IBTK: variants seen among roughly 807,000 people sequenced by gnomAD.
IBTK encodes the protein inhibitor of Bruton tyrosine kinase, also known as BTK-binding protein.
A neutral mutation model predicts 154.9 loss-of-function variants in IBTK; 83 were observed. The ratio of observed to expected loss-of-function variants is 0.54; its 90% CI spans 0.45 to 0.64. The LOEUF is 0.64. Ranked by LOEUF, IBTK falls within the 30% of genes least tolerant of loss-of-function variation. The pLI, the probability that IBTK is intolerant of heterozygous loss-of-function variation, is 0.00. For missense variants in IBTK, 1,332 were observed against 1,584.6 expected (o/e 0.84, Z 2.71); for synonymous variants, 515 against 536.1 (o/e 0.96, Z 0.54).
chr6:82,215,655 C>T (rs140435753), intron 11 of IBTK, among the ~76,000 whole-genome samples: 59 of 151,532 alleles, frequency 3.9e-4, no homozygotes, highest in Non-Finnish European at 6.8e-4. Context: ...GGTGTGGTGG[C>T]GGGCACCTGT....
At position 82,214,310 on chromosome 6, in the gene IBTK, T is replaced by A. The variant is rs750679400; in HGVS notation, c.2121A>T (p.Lys707Asn). The change falls in exon 12 of 29, where the codon AAA becomes AAT. Residue 707 changes from lysine (K) to asparagine (N), a missense_variant. Lys to Asn is a moderately conservative substitution (Grantham distance 94). Around this residue, in one of 3 missense-constraint regions of IBTK, gnomAD observed 1,134 missense variants for 1,274.7 expected, o/e 0.89. Coordinates refer to ENST00000306270, the MANE Select transcript of IBTK (RefSeq NM_015525.4). ...GATCATCTTCCCTAATATTTTTTCC[T>A]TTTTTACAAGATTTAGGTTTGCTCT... ...RQKSKPKSCK[K>N]GKNIREDDPV... The A allele has an allele frequency of 6.2e-7, 1 of 1,613,908 alleles. No individual in the cohort carries two copies. Among genetic ancestry groups the A allele is most frequent in the South Asian group, 1.1e-5 (1 of 91,034 alleles).
chr6:82,227,091 T>C lies in IBTK; in HGVS notation c.654+101A>G, dbSNP rs918604313. ...AAATCTATTATCAATTGATGTATTA[T>C]TTCGTCCTTACAGTTGAAAAAAAAA... is the stretch of plus-strand genomic sequence containing the variant. On this transcript the variant is annotated intron_variant, in intron 5 of 28. Transcript: ENST00000306270. 7.3e-5 allele frequency: 50 copies of C among 680,528 alleles called. No homozygotes were observed. In the African/African-American group the frequency reaches 8.1e-4, roughly 11 times the overall value. The allele number at this position is 680,528 out of a possible 1,614,324, so 42.2% of individuals were successfully genotyped here.
At chr6:82,239,480 A>G (rs1200685114) in intron 2 of IBTK, among the ~76,000 whole-genome samples, 2 of 152,136 alleles carry the variant, frequency 1.3e-5, no homozygotes, top group Non-Finnish European at 2.9e-5. Flanking sequence ...TTAATAATAT[A>G]GTTATTTAAG....
intron 26 of IBTK, among the ~76,000 whole-genome samples, chr6:82,176,699 C>T (rs943234310): frequency 1.3e-5 from 2 of 152,188 alleles, no homozygotes; most frequent in East Asian, 3.9e-4. Context: ...TTAACACCCT[C>T]AAACAACATT....
intron 23 of IBTK, among the ~76,000 whole-genome samples, chr6:82,193,885 T>C (rs547450854): frequency 6.6e-6 from 1 of 152,208 alleles, no homozygotes; most frequent in South Asian, 2.1e-4. Context: ...TTTCACCATG[T>C]TGCCCAGGCT....
In IBTK at chr6:82,237,652, GATA is replaced by G. The variant is rs1168993564; in HGVS notation, c.321+2511_321+2513del. Among the ~76,000 whole-genome samples the G allele has an allele frequency of 7.6e-3, 636 of 83,604 alleles. 3 individuals carry two copies. Among genetic ancestry groups the G allele is most frequent in the African/African-American group, 0.029 (579 of 20,108 alleles). 54.8% of individuals were successfully genotyped at this position (83,604 alleles called of 152,430 possible). The stretch of plus-strand genomic sequence containing the variant: ...AGTAGCAGTAGTAGTAGTAGTAGAA[GATA>G]GTAGTGGTAGTAGTAGTAGTAGTAG... On this transcript the variant is annotated intron_variant, in intron 2 of 28. Transcript: ENST00000306270.
chr6:82,230,624 A>G (rs1261597088), intron 4 of IBTK, among the ~76,000 whole-genome samples: 2 of 152,218 alleles, frequency 1.3e-5, no homozygotes, highest in Non-Finnish European at 2.9e-5. Flanking sequence ...TTTGAGATTT[A>G]TAACATTAAA....
intron 9 of IBTK, among the ~76,000 whole-genome samples, chr6:82,220,176 C>T (rs908403914): frequency 5.9e-5 from 9 of 152,130 alleles, no homozygotes; most frequent in African/African-American, 1.9e-4. Context: ...TGACACTGTA[C>T]TCTAGCCTGG....
chr6:82,227,676 G>A (rs1203823912), intron 4 of IBTK, among the ~76,000 whole-genome samples: 3 of 151,978 alleles, frequency 2.0e-5, no homozygotes, highest in East Asian at 1.9e-4. Context: ...GCAACAGGAA[G>A]CATAAAGATT....
chr6:82,194,350 A>T (rs548746670), intron 23 of IBTK, 129 bp downstream of exon 23: 9 of 742,704 alleles, frequency 1.2e-5, no homozygotes, highest in African/African-American at 1.8e-5. Flanking sequence ...GTAGGTATTT[A>T]GGCAATTTTC....
At chr6:82,199,159 T>C (rs1769105108) in intron 21 of IBTK, among the ~76,000 whole-genome samples, 1 of 152,146 alleles carries the variant, frequency 6.6e-6, no homozygotes, top group South Asian at 2.1e-4. Flanking sequence ...AAAAGATTCA[T>C]ATTCAAGTAT....
intron 7 of IBTK, 75 bp from the exon 8 acceptor site, chr6:82,223,695 A>C: frequency 1.4e-4 from 181 of 1,277,194 alleles, no homozygotes; most frequent in Non-Finnish European, 1.9e-4. Context: ...ACAGTGTCTC[A>C]TGCCTATAAT....
At position 82,198,645 on chromosome 6, in the gene IBTK, A is replaced by G. The variant is rs1433151261; in HGVS notation, c.3025+1496T>C. On this transcript the variant is annotated intron_variant, in intron 21 of 28. Transcript: ENST00000306270. ...AACAATGTACTCTTCTATTTTTCAAAGTTGTTTGTATACAGCTGATTGACT... is the reference window on the plus strand; with the variant it reads ...AACAATGTACTCTTCTATTTTTCAAGGTTGTTTGTATACAGCTGATTGACT... 2.0e-5 allele frequency among the ~76,000 whole-genome samples: 3 copies of G among 152,184 alleles called. No homozygotes were observed. In the East Asian group the frequency reaches 5.8e-4, roughly 29 times the overall value.
In IBTK at chr6:82,200,676, T is replaced by G. The variant is rs1220428075; in HGVS notation, c.2823A>C (p.Pro941=). 1 of 1,596,820 alleles carries G rather than the reference T, an allele frequency of 6.3e-7. No individual in the cohort carries two copies. Among genetic ancestry groups the G allele is most frequent in the Non-Finnish European group, 8.5e-7 (1 of 1,174,768 alleles). ...AGCTAATATCTGGTCCATCTTGATA[T>G]GGTGTAATGACTCTTCTATCCATTG... ...IPAMDRRVIT[P]YQDGPDISYL... The change falls in exon 20 of 29, where the codon CCA becomes CCC. Residue 941 remains proline, a synonymous_variant. Coordinates refer to ENST00000306270, the MANE Select transcript of IBTK (RefSeq NM_015525.4).
In IBTK at chr6:82,218,091, C is replaced by A; in HGVS notation, c.1295G>T (p.Trp432Leu). The A allele has an allele frequency of 6.3e-7, 1 of 1,599,914 alleles. No homozygotes were observed. Among genetic ancestry groups the A allele is most frequent in the Non-Finnish European group, 8.5e-7 (1 of 1,174,470 alleles). The change falls in exon 10 of 29, where the codon TGG becomes TTG. Residue 432 changes from tryptophan (W) to leucine (L), a missense_variant. Trp to Leu is a moderately conservative substitution (Grantham distance 61, BLOSUM62 -2). Around this residue, in one of 3 missense-constraint regions of IBTK, gnomAD observed 1,134 missense variants for 1,274.7 expected, o/e 0.89. Coordinates refer to ENST00000306270, the MANE Select transcript of IBTK (RefSeq NM_015525.4). ...AATGAAGACCTGACGTGGATAGGCC[C>A]ATCGACACTGCTTCAGAGAACTGTT... is the stretch of plus-strand genomic sequence containing the variant. ...SVNSSLKQCR[W>L]AYPRQVFISD...
At chr6:82,208,699 A>G (rs1051601819) in intron 16 of IBTK, among the ~76,000 whole-genome samples, 5 of 152,092 alleles carry the variant, frequency 3.3e-5, no homozygotes, top group Non-Finnish European at 7.4e-5. Flanking sequence ...AGCCATGACC[A>G]TGCCACTGCA....
At chr6:82,203,693 T>C (rs556735126) in intron 17 of IBTK, among the ~76,000 whole-genome samples, 74 of 152,236 alleles carry the variant, frequency 4.9e-4, no homozygotes, top group African/African-American at 1.8e-3. Context: ...TAAAGGCAAC[T>C]GTGCAGCCAG....
chr6:82,241,987 A>C (rs913989334), intron 1 of IBTK, among the ~76,000 whole-genome samples: 1 of 152,248 alleles, frequency 6.6e-6, no homozygotes, highest in Non-Finnish European at 1.5e-5. Context: ...TCTGATCTTA[A>C]CTACTTTGAT....
At chr6:82,185,740 C>T (rs965611870) in intron 25 of IBTK, among the ~76,000 whole-genome samples, 33 of 151,900 alleles carry the variant, frequency 2.2e-4, no homozygotes, top group African/African-American at 7.7e-4. Context: ...ATTATATTCA[C>T]TCAATAATTA....
Sources: allele counts gnomAD v4.1 joint callset (sites outside exome capture counted in the v4.1 genomes callset), GRCh38; gene constraint gnomAD v4.1.1; regional missense constraint gnomAD v4.1.1; transcripts MANE v1.5; gene names NCBI Gene and HGNC (gene_info 2026-07-23, HGNC 2026-07-21).